The following KDELR1 variants were observed in gnomAD, a reference collection of about 807,000 sequenced individuals.
KDELR1 encodes ER lumen protein-retaining receptor 1.
A neutral mutation model predicts 25.5 loss-of-function variants in KDELR1; 16 were observed. The observed-to-expected ratio is 0.63, with a 90% CI of 0.43 to 0.95. The LOEUF is 0.95. KDELR1 is among the 40% of genes least tolerant of loss of function. The probability of loss-of-function intolerance (pLI) is 0.00; values close to 1 mark genes in which losing one functional copy is unlikely to be tolerated. For synonymous variants in KDELR1, 121 were observed against 115.0 expected, an observed-to-expected ratio of 1.05 and a Z score of -0.33; for missense variants, 159 against 265.2, an observed-to-expected ratio of 0.60 and a Z score of 2.78.
intron 3 of KDELR1, 82 bp downstream of exon 3, chr19:48,389,471 G>T: frequency 6.5e-7 from 1 of 1,538,264 alleles, no homozygotes; most frequent in African/African-American, 1.4e-5. Flanking sequence ...CCCTGCAGAA[G>T]GAAGCCTGTG....
chr19:48,394,172 C>A (rs943706243), upstream of KDELR1, among the ~76,000 whole-genome samples: 3 of 151,956 alleles, frequency 2.0e-5, no homozygotes, highest in Non-Finnish European at 4.4e-5. This position sits in a 1 kb window ranked among gnomAD's most constrained non-coding sequence, Gnocchi z 5.1. Flanking sequence ...CCCCATTAGA[C>A]CCCCCACTCT....
rs199580647 is a variant in KDELR1 at position 48,384,372 on chromosome 19, C to T, written c.462G>A (p.Ala154=). 3.1e-6 allele frequency: 5 copies of T among 1,614,186 alleles called. No individual in the cohort carries two copies. Among genetic ancestry groups the T allele is most frequent in the East Asian group, 2.2e-5 (1 of 44,890 alleles). Residue 154 remains alanine (A), a synonymous_variant, in exon 4 of 5, where the codon GCG becomes GCA. Transcript: ENST00000330720. This position sits in a 1 kb window ranked among gnomAD's most constrained non-coding sequence, Gnocchi z 4.6. ...GATAGAGCGTGCGGTAAACGCCTAG[C>T]GCAAACAAGTAGTGGCTGGTGATGG... is the stretch of plus-strand genomic sequence containing the variant. The part of the protein sequence containing the change: ...AETITSHYLF[A]LGVYRTLYLF...
At position 48,384,553 on chromosome 19, in the gene KDELR1, C is replaced by T; in HGVS notation, c.352-71G>A. ...GGAGAAAAGGCAGAGGACAACATTG[C>T]AGTTACAGGTGCCGCGAAGGTGGAG... is the stretch of plus-strand genomic sequence containing the variant. On this transcript the variant is annotated intron_variant, in intron 3 of 4. Transcript: ENST00000330720. The surrounding 1 kb of genome is among the most constrained non-coding windows in gnomAD (Gnocchi z 4.6). 6.5e-7 allele frequency: 1 copy of T among 1,539,368 alleles called. No homozygotes were observed. Among genetic ancestry groups the T allele is most frequent in the South Asian group, 1.2e-5 (1 of 82,974 alleles).
upstream of KDELR1, among the ~76,000 whole-genome samples, chr19:48,393,159 G>A (rs1254934463): frequency 6.6e-6 from 1 of 151,912 alleles, no homozygotes; most frequent in African/African-American, 2.4e-5. The surrounding 1 kb of genome is among the most constrained non-coding windows in gnomAD (Gnocchi z 5.6). Flanking sequence ...GTCCTTAAAA[G>A]AGACTCCGAC....
chr19:48,388,635 A>T (rs1970513866), intron 3 of KDELR1, among the ~76,000 whole-genome samples: 1 of 151,800 alleles, frequency 6.6e-6, no homozygotes, highest in Non-Finnish European at 1.5e-5. Flanking sequence ...GCAGTGAGCC[A>T]GAATCATGCC....
upstream of KDELR1, among the ~76,000 whole-genome samples, chr19:48,392,545 T>TC (rs955605189): frequency 1.9e-4 from 29 of 152,134 alleles, no homozygotes; most frequent in African/African-American, 7.0e-4. Context: ...GGATCAAACA[T>TC]CCTAACCTTA....
chr19:48,384,159 C>A lies in KDELR1; in HGVS notation c.604+71G>T, dbSNP rs927147618. ...TTGCATAATACAGGGGTAAGGAGAC[C>A]CCAGTCCCCAGGGAGGGCAGGAGCT... is the stretch of plus-strand genomic sequence containing the variant. On this transcript the variant is annotated intron_variant, in intron 4 of 4. Transcript: ENST00000330720. This position sits in a 1 kb window ranked among gnomAD's most constrained non-coding sequence, Gnocchi z 4.6. 2 of 1,577,180 alleles carry A rather than the reference C, an allele frequency of 1.3e-6. No homozygotes were observed. Among genetic ancestry groups the A allele is most frequent in the Non-Finnish European group, 1.7e-6 (2 of 1,154,476 alleles).
In KDELR1 at chr19:48,384,229, C is replaced by T; in HGVS notation, c.604+1G>A. On this transcript the variant is annotated splice_donor_variant, in intron 4 of 4. Transcript: ENST00000330720. LOFTEE classifies it high-confidence loss of function. This position sits in a 1 kb window ranked among gnomAD's most constrained non-coding sequence, Gnocchi z 4.6. ...TTCCAGCCGTCCCACATTCCAGCTA[C>T]CTTTGGTGATATAGAGGTAGAAGAA... The T allele has an allele frequency of 1.9e-6, 3 of 1,613,578 alleles. No homozygotes were observed. The highest frequency in any genetic ancestry group is 2.5e-6 in the Non-Finnish European group (3 of 1,179,556).
chr19:48,386,401 G>A (rs1970498190), intron 3 of KDELR1, among the ~76,000 whole-genome samples: 11 of 150,788 alleles, frequency 7.3e-5, no homozygotes, highest in Admixed American at 7.3e-4. Context: ...ACAGGCGTGA[G>A]CCACTGCGCC....
chr19:48,386,635 A>AG (rs1245074153), intron 3 of KDELR1, among the ~76,000 whole-genome samples: 1 of 151,088 alleles, frequency 6.6e-6, no homozygotes, highest in Non-Finnish European at 1.5e-5. Context: ...TTTAATAGAC[A>AG]GGGGGTTTCA....
chr19:48,394,241 C>T (rs1970603521), upstream of KDELR1, among the ~76,000 whole-genome samples: 3 of 151,792 alleles, frequency 2.0e-5, no homozygotes, highest in Admixed American at 2.0e-4. This position sits in a 1 kb window ranked among gnomAD's most constrained non-coding sequence, Gnocchi z 5.1. Context: ...GAGGGGGAAT[C>T]CCAGGGAAGT....
Position 48,383,257 on chromosome 19 carries a change from C to CGCTGCTG in KDELR1, c.*29_*35dup. The CGCTGCTG allele has an allele frequency of 2.6e-6, 4 of 1,549,682 alleles. No homozygotes were observed. Among genetic ancestry groups the CGCTGCTG allele is most frequent in the Non-Finnish European group, 3.5e-6 (4 of 1,145,216 alleles). On this transcript the variant is annotated 3_prime_UTR_variant, in exon 5 of 5. Coordinates refer to ENST00000330720, the MANE Select transcript of KDELR1 (RefSeq NM_006801.3). ...TCTTCTGCCGCCTTCCTCTGCCTCCCGCTGCTGCCGAGGAGAGAGATGGAG... is the reference window on the plus strand; with the variant it reads ...TCTTCTGCCGCCTTCCTCTGCCTCCCGCTGCTGGCTGCTGCCGAGGAGAGAGATGGAG...
chr19:48,389,467 A>G, intron 3 of KDELR1, 86 bp downstream of exon 3: 1 of 1,521,560 alleles, frequency 6.6e-7, no homozygotes, highest in Non-Finnish European at 9.1e-7. Context: ...CACACCCTGC[A>G]GAAGGAAGCC....
At position 48,384,511 on chromosome 19, in the gene KDELR1, T is replaced by C. The variant is rs1970479799; in HGVS notation, c.352-29A>G. ...CAGAGAGGCCGGGGACATGATGAGG[T>C]GGGAGGGGACAGGGCGGGAGAAAAG... is the stretch of plus-strand genomic sequence containing the variant. On this transcript the variant is annotated intron_variant, in intron 3 of 4. Coordinates refer to ENST00000330720, the MANE Select transcript of KDELR1 (RefSeq NM_006801.3). The surrounding 1 kb of genome is among the most constrained non-coding windows in gnomAD (Gnocchi z 4.6). 4 of 1,603,354 alleles carry C rather than the reference T, an allele frequency of 2.5e-6. No homozygotes were observed. Among genetic ancestry groups the C allele is most frequent in the Non-Finnish European group, 3.4e-6 (4 of 1,174,150 alleles).
Position 48,391,456 on chromosome 19 carries a change from G to A in KDELR1, c.-98C>T. 7 of 922,238 alleles carry A rather than the reference G, an allele frequency of 7.6e-6. No individual in the cohort carries two copies. The highest frequency in any genetic ancestry group is 1.2e-5 in the Non-Finnish European group (7 of 585,354). 57.1% of individuals were successfully genotyped at this position (922,238 alleles called of 1,614,324 possible). A position where few individuals can be genotyped will look rare whatever the true frequency, so the allele number is the denominator to read the frequency against. On this transcript the variant is annotated 5_prime_UTR_variant, in exon 1 of 5. Coordinates refer to ENST00000330720, the MANE Select transcript of KDELR1 (RefSeq NM_006801.3). ...TCTGAACGGGTAGCTGGGCTGGGGG[G>A]ACGGAAGAGGGACCCTAGGTGCGCT...
At chr19:48,389,487 G>A in intron 3 of KDELR1, 66 bp downstream of exon 3, 4 of 1,582,496 alleles carry the variant, frequency 2.5e-6, no homozygotes, top group Non-Finnish European at 3.5e-6. Flanking sequence ...CTGTGAGAGG[G>A]TCTCCTGTCA....
At chr19:48,390,549 GAGAGAGAGAGAGAC>G (rs755988094) in intron 1 of KDELR1, 25 bp from the exon 2 acceptor site, 14 of 1,388,160 alleles carry the variant, frequency 1.0e-5, no homozygotes, top group East Asian at 2.3e-5. Flanking sequence ...CAGAGAAAGA[GAGAGAGAGAGAGAC>G]AGAGAGAGAG....
At chr19:48,387,650 C>T (rs1324264765) in intron 3 of KDELR1, 1 of 146,422 alleles carries the variant, frequency 6.8e-6, no homozygotes. Flanking sequence ...CACTGCACTC[C>T]AGCCTGGGCG....
chr19:48,390,577 G>GAGAGAGAC (rs1555890422), intron 1 of KDELR1, 53 bp from the exon 2 acceptor site: 1,432 of 976,910 alleles, frequency 1.5e-3, no homozygotes, highest in East Asian at 3.7e-3. Context: ...GAGAGAGAGA[G>GAGAGAGAC]AGACAGACAG....
Sources: allele counts gnomAD v4.1 joint callset (sites outside exome capture counted in the v4.1 genomes callset), GRCh38; gene constraint gnomAD v4.1.1; non-coding constraint Gnocchi (gnomAD v3.1); transcripts MANE v1.5; gene names NCBI Gene and HGNC (gene_info 2026-07-23, HGNC 2026-07-21).